Variants in PRKAA1 observed in about 807,000 individuals in gnomAD.
PRKAA1 encodes the protein 5'-AMP-activated protein kinase catalytic subunit alpha-1.
A neutral mutation model predicts 56.9 loss-of-function variants in PRKAA1; 23 were observed. That is an observed-to-expected ratio of 0.40 (90% CI 0.29 to 0.57). The LOEUF is 0.57. PRKAA1 is among the 20% of genes least tolerant of loss of function. The pLI is 0.39. For missense variants in PRKAA1, 413 were observed against 679.7 expected (o/e 0.61, Z 4.36); for synonymous variants, 226 against 227.0 (o/e 1.00, Z 0.04).
At chr5:40,787,371 A>G (rs1372107657) in intron 1 of PRKAA1, among the ~76,000 whole-genome samples, 2 of 151,960 alleles carry the variant, frequency 1.3e-5, no homozygotes, top group African/African-American at 4.8e-5. Context: ...AGGCTGAGGC[A>G]GGAGAATAGC....
chr5:40,787,321 C>T (rs1235713520), intron 1 of PRKAA1, among the ~76,000 whole-genome samples: 5 of 151,808 alleles, frequency 3.3e-5, no homozygotes, highest in East Asian at 1.9e-4. Flanking sequence ...CAAAATTAGC[C>T]GGGCGTGGTG....
At chr5:40,791,756 G>C (rs1744726294) in intron 1 of PRKAA1, among the ~76,000 whole-genome samples, 1 of 152,114 alleles carries the variant, frequency 6.6e-6, no homozygotes, top group Admixed American at 6.6e-5. Flanking sequence ...AGCACACCAA[G>C]GGCATTCCAA....
Position 40,762,929 on chromosome 5 carries a change from G to A in PRKAA1, c.1529C>T (p.Ala510Val). 6.2e-7 allele frequency: 1 copy of A among 1,614,192 alleles called. No homozygotes were observed. The highest frequency in any genetic ancestry group is 1.6e-4 in the Middle Eastern group (1 of 6,062). The part of the protein sequence containing the change: ...YRSCQRSDSD[A>V]EAQGKSSEVS... ...TTCTGAGGATTTTCCTTGAGCCTCAGCATCTGAATCACTCCTTTGGCAAGA... is the reference window on the plus strand; with the variant it reads ...TTCTGAGGATTTTCCTTGAGCCTCAACATCTGAATCACTCCTTTGGCAAGA... The change falls in exon 9 of 9, where the codon GCT (alanine) becomes GTT (valine). Residue 510 changes from alanine to valine, a missense_variant. Ala to Val is a moderately conservative substitution (Grantham distance 64). Around this residue, in one of 9 missense-constraint regions of PRKAA1, gnomAD observed 139 missense variants for 171.5 expected, o/e 0.81. Transcript: ENST00000397128.
intron 1 of PRKAA1, among the ~76,000 whole-genome samples, chr5:40,779,603 G>A (rs77651534): frequency 0.063 from 9,550 of 152,144 alleles, 555 homozygotes; most frequent in East Asian, 0.3. Flanking sequence ...CACTATGGTT[G>A]GTAATCAGGT....
rs1743226585 is a variant in PRKAA1 at position 40,762,254 on chromosome 5, A to C, written c.*524T>G. 6.4e-6 allele frequency: 1 copy of C among 155,708 alleles called. No homozygotes were observed. The highest frequency in any genetic ancestry group is 6.3e-5 in the Admixed American group (1 of 15,806). 9.6% of individuals were successfully genotyped at this position (155,708 alleles called of 1,614,324 possible). A position where few individuals can be genotyped will look rare whatever the true frequency, so the allele number is the denominator to read the frequency against. On this transcript the variant is annotated 3_prime_UTR_variant, in exon 9 of 9. Coordinates refer to ENST00000397128, the MANE Select transcript of PRKAA1 (RefSeq NM_006251.6). ...ACCATTGCACTCCAGCCTGGGTGACAAAGTGACACTGTCTCAAAAAAACAA... is the reference window on the plus strand; with the variant it reads ...ACCATTGCACTCCAGCCTGGGTGACCAAGTGACACTGTCTCAAAAAAACAA...
chr5:40,794,130 C>T (rs1744829912), intron 1 of PRKAA1, among the ~76,000 whole-genome samples: 1 of 151,916 alleles, frequency 6.6e-6, no homozygotes, highest in Admixed American at 6.6e-5. Context: ...TCCCTGTTCA[C>T]CACATGCACA....
chr5:40,793,762 T>C (rs1031326572), intron 1 of PRKAA1, among the ~76,000 whole-genome samples: 3 of 152,158 alleles, frequency 2.0e-5, no homozygotes, highest in African/African-American at 4.8e-5. Flanking sequence ...CATCCATTTA[T>C]GTGTAGGTGT....
rs837267 is a variant in PRKAA1 at position 40,784,271 on chromosome 5, G to A, written c.128-6685C>T. The stretch of plus-strand genomic sequence containing the variant: ...GATACCTATCCATGTAGATGCAATA[G>A]CATTCCTTTATCCAGGTACATAAGT... On this transcript the variant is annotated intron_variant, in intron 1 of 8. Transcript: ENST00000397128. Among the ~76,000 whole-genome samples the A allele has an allele frequency of 1.1e-3, 169 of 152,236 alleles. 1 individual carries two copies. The East Asian group carries it at 0.027, about 25-fold the overall frequency.
intron 1 of PRKAA1, among the ~76,000 whole-genome samples, chr5:40,796,164 A>T (rs1744920919): frequency 6.6e-6 from 1 of 152,000 alleles, no homozygotes; most frequent in African/African-American, 2.4e-5. Context: ...TAAAAATATG[A>T]AATTAGCCGG....
At chr5:40,775,744 G>C (rs1743971981) in intron 2 of PRKAA1, among the ~76,000 whole-genome samples, 1 of 151,842 alleles carries the variant, frequency 6.6e-6, no homozygotes, top group African/African-American at 2.4e-5. Flanking sequence ...CAAATGAAGG[G>C]GAATCTTTGT....
chr5:40,796,358 C>T (rs975822074), intron 1 of PRKAA1, among the ~76,000 whole-genome samples: 1 of 151,964 alleles, frequency 6.6e-6, no homozygotes, highest in African/African-American at 2.4e-5. Flanking sequence ...ATAGACCTGA[C>T]TTTATTCAAG....
chr5:40,797,139 T>C (rs1484319425), intron 1 of PRKAA1, among the ~76,000 whole-genome samples: 4 of 152,224 alleles, frequency 2.6e-5, no homozygotes, highest in African/African-American at 7.2e-5. Flanking sequence ...TTTGGTTACA[T>C]AGATGAACTG....
At chr5:40,767,348 A>T in intron 6 of PRKAA1, 118 bp downstream of exon 6, 13 of 811,632 alleles carry the variant, frequency 1.6e-5, no homozygotes, top group Non-Finnish European at 1.9e-5. Context: ...TATACACTCT[A>T]TTTTTTTCAC....
rs754284731 is a variant in PRKAA1 at position 40,765,159 on chromosome 5, C to G, written c.901G>C (p.Asp301His). Residue 301 changes from aspartate (D) to histidine (H), a missense_variant, in exon 7 of 9, where the codon GAT becomes CAT. By Grantham distance (81) the Asp-to-His change is moderately conservative (BLOSUM62 -1). Transcript: ENST00000397128. ...TCACATACTTCTTTTAAGGCTTCAT[C>G]ATCAATCATGGTTGAACTATATGAT... ...DPSYSSTMID[D>H]EALKEVCEKF... 3.7e-6 allele frequency: 6 copies of G among 1,614,134 alleles called. No homozygotes were observed. The highest frequency in any genetic ancestry group is 5.1e-6 in the Non-Finnish European group (6 of 1,179,996).
chr5:40,776,886 CCAG>C (rs1445568453), intron 2 of PRKAA1: 1 of 152,188 alleles, frequency 6.6e-6, no homozygotes, highest in African/African-American at 2.4e-5. Context: ...CCAAACATTA[CCAG>C]AAGAGCATCT....
chr5:40,767,437 ATC>A (rs756228066), intron 6 of PRKAA1, 27 bp downstream of exon 6: 1 of 1,554,556 alleles, frequency 6.4e-7, no homozygotes. Flanking sequence ...ATACTATCAG[ATC>A]TGATAACTTC....
rs1029593031 is a variant in PRKAA1 at position 40,761,372 on chromosome 5, G to T, written c.*1406C>A. 1.3e-5 allele frequency: 2 copies of T among 152,000 alleles called. No individual in the cohort carries two copies. Among genetic ancestry groups the T allele is most frequent in the African/African-American group, 4.8e-5 (2 of 41,386 alleles). The allele number at this position is 152,000 out of a possible 1,614,324, so 9.4% of individuals were successfully genotyped here. A position where few individuals can be genotyped will look rare whatever the true frequency, so the allele number is the denominator to read the frequency against. The stretch of plus-strand genomic sequence containing the variant: ...TAGGAGATACTTGAAGTATTTTCAC[G>T]GTGATAAGTATGTCTGTAACATCCA... On this transcript the variant is annotated 3_prime_UTR_variant, in exon 9 of 9. Transcript: ENST00000397128.
chr5:40,797,997 G>A, intron 1 of PRKAA1, 66 bp downstream of exon 1: 2 of 1,577,478 alleles, frequency 1.3e-6, no homozygotes, highest in Non-Finnish European at 1.7e-6. Flanking sequence ...AGGATGAAGA[G>A]GTGCGGAAAG....
chr5:40,795,865 C>T (rs1035227503), intron 1 of PRKAA1, among the ~76,000 whole-genome samples: 2 of 152,162 alleles, frequency 1.3e-5, no homozygotes, highest in African/African-American at 4.8e-5. Flanking sequence ...GAATATGGTA[C>T]TCCAAGAGAA....
Sources: gnomAD v4.1 joint callset for allele counts (sites outside exome capture counted in the v4.1 genomes callset) on GRCh38, gnomAD v4.1.1 for gene constraint, gnomAD v4.1.1 regional missense constraint, MANE v1.5 for transcripts, NCBI Gene and HGNC (gene_info 2026-07-23, HGNC 2026-07-21) for gene names.